HPSE2: variants seen among roughly 807,000 people sequenced by gnomAD.
HPSE2 encodes inactive heparanase-2.
HPSE2 carries 38 observed loss-of-function variants against 60.5 expected under a neutral mutation model. That is an observed-to-expected ratio of 0.63 (90% CI 0.48 to 0.82). The LOEUF (loss-of-function observed/expected upper bound fraction) is 0.82, where lower values mean the gene tolerates loss of function less well. Ranked by LOEUF, HPSE2 falls within the 40% of genes least tolerant of loss-of-function variation. The probability of loss-of-function intolerance (pLI) is 0.00; values close to 1 mark genes in which losing one functional copy is unlikely to be tolerated. For synonymous variants in HPSE2, 295 were observed against 293.2 expected, an observed-to-expected ratio of 1.01 and a Z score of -0.06; for missense variants, 713 against 740.4, an observed-to-expected ratio of 0.96 and a Z score of 0.43.
At chr10:99,038,148 T>C (rs945370374) in intron 3 of HPSE2, among the ~76,000 whole-genome samples, 8 of 152,146 alleles carry the variant, frequency 5.3e-5, no homozygotes, top group African/African-American at 1.7e-4. Flanking sequence ...ACACTCACCA[T>C]ACCACCCAGC....
intron 3 of HPSE2, among the ~76,000 whole-genome samples, chr10:99,117,830 A>T (rs1844771653): frequency 6.6e-6 from 1 of 152,192 alleles, no homozygotes; most frequent in South Asian, 2.1e-4. Flanking sequence ...TATTCCAAAA[A>T]ATTGAGGATG....
chr10:98,962,593 G>A (rs1955706808), intron 3 of HPSE2, among the ~76,000 whole-genome samples: 2 of 150,762 alleles, frequency 1.3e-5, no homozygotes, highest in African/African-American at 2.5e-5. Context: ...CAATCAGGCA[G>A]GAGAAGGAAA....
chr10:99,297,936 C>T, the HPSE2 span, among the ~76,000 whole-genome samples: 1 of 152,268 alleles, frequency 6.6e-6, no homozygotes, highest in African/African-American at 2.4e-5. Flanking sequence ...CCTTTTTCTG[C>T]CCTAAAGTTT....
intron 9 of HPSE2, among the ~76,000 whole-genome samples, chr10:98,609,296 A>G (rs479818): frequency 0.98 from 148,690 of 152,268 alleles, 72,707 homozygotes; most frequent in South Asian, 1. Flanking sequence ...GCAGGACAGT[A>G]TCTCTAGTGT....
In HPSE2 at chr10:99,127,529, T is replaced by C. The variant is rs1228811188; in HGVS notation, c.610+16709A>G. 2.0e-5 allele frequency among the ~76,000 whole-genome samples: 3 copies of C among 152,176 alleles called. No homozygotes were observed. In the East Asian group the frequency reaches 5.8e-4, roughly 29 times the overall value. On this transcript the variant is annotated intron_variant, in intron 3 of 11. Coordinates refer to ENST00000370552, the MANE Select transcript of HPSE2 (RefSeq NM_021828.5). ...CAGACAAACCTAAGAATAACTGGTG[T>C]TCCTAAGGAAGAAGAGAAATCTAAA...
At chr10:99,208,727 G>A (rs907388461) in intron 2 of HPSE2, among the ~76,000 whole-genome samples, 1 of 151,604 alleles carries the variant, frequency 6.6e-6, no homozygotes, top group African/African-American at 2.4e-5. Context: ...GTGACTGAAT[G>A]GATTTAAAAA....
intron 3 of HPSE2, among the ~76,000 whole-genome samples, chr10:99,039,309 A>G (rs147495106): frequency 3.3e-5 from 5 of 152,224 alleles, no homozygotes; most frequent in Non-Finnish European, 5.9e-5. Context: ...GAGTAGATAC[A>G]TAGATCTAAG....
intron 3 of HPSE2, among the ~76,000 whole-genome samples, chr10:98,819,755 T>G (rs1419817854): frequency 1.3e-5 from 2 of 152,116 alleles, no homozygotes; most frequent in East Asian, 3.9e-4. Flanking sequence ...ACAAGCCCCT[T>G]CCTAATATCA....
chr10:98,995,047 G>A (rs1179914446), intron 3 of HPSE2, among the ~76,000 whole-genome samples: 1 of 152,166 alleles, frequency 6.6e-6, no homozygotes, highest in African/African-American at 2.4e-5. Flanking sequence ...CCCATGTCCA[G>A]GAGCTTTTCC....
intron 3 of HPSE2, among the ~76,000 whole-genome samples, chr10:99,002,426 G>T (rs188546468): frequency 6.6e-6 from 1 of 152,068 alleles, no homozygotes; most frequent in African/African-American, 2.4e-5. Context: ...AAACACTACC[G>T]CAGCCAGGTG....
At chr10:98,697,833 A>G (rs1948271914) in intron 5 of HPSE2, among the ~76,000 whole-genome samples, 1 of 152,210 alleles carries the variant, frequency 6.6e-6, no homozygotes, top group African/African-American at 2.4e-5. Flanking sequence ...TGCAAGCCAG[A>G]AGAGAGTGGG....
intron 3 of HPSE2, among the ~76,000 whole-genome samples, chr10:99,094,599 C>T (rs1272665313): frequency 8.4e-6 from 1 of 119,606 alleles, no homozygotes; most frequent in Non-Finnish European, 1.6e-5. Flanking sequence ...CTCTGTGGCC[C>T]AGGCTGGAGT....
At chr10:98,946,910 T>G (rs1312360637) in intron 3 of HPSE2, among the ~76,000 whole-genome samples, 2 of 152,058 alleles carry the variant, frequency 1.3e-5, no homozygotes, top group Non-Finnish European at 2.9e-5. Context: ...GTCTCTCCAG[T>G]AAATTGCATA....
chr10:98,985,109 C>T (rs907981330), intron 3 of HPSE2, among the ~76,000 whole-genome samples: 16 of 152,100 alleles, frequency 1.1e-4, no homozygotes, highest in East Asian at 1.9e-4. Context: ...TAGCAAGGCA[C>T]GCCAACATTC....
At chr10:99,161,349 A>G (rs564669941) in intron 2 of HPSE2, among the ~76,000 whole-genome samples, 2 of 152,336 alleles carry the variant, frequency 1.3e-5, no homozygotes, top group South Asian at 4.1e-4. Context: ...CCATAAAATG[A>G]AATGCCATTC....
chr10:98,972,851 C>A (rs892290451), intron 3 of HPSE2, among the ~76,000 whole-genome samples: 1 of 152,084 alleles, frequency 6.6e-6, no homozygotes, highest in South Asian at 2.1e-4. Flanking sequence ...TGTAGTCTCA[C>A]GTTAATGTAG....
At chr10:98,573,267 C>T (rs1589440037) in intron 9 of HPSE2, among the ~76,000 whole-genome samples, 1 of 152,084 alleles carries the variant, frequency 6.6e-6, no homozygotes, top group Non-Finnish European at 1.5e-5. Context: ...ACTCTAGAAC[C>T]AGCCAAACAA....
intron 3 of HPSE2, among the ~76,000 whole-genome samples, chr10:98,980,121 G>A (rs908038494): frequency 6.6e-6 from 1 of 152,110 alleles, no homozygotes; most frequent in South Asian, 2.1e-4. Context: ...AGAGATCTTG[G>A]CTAAAACCCG....
Position 98,930,204 on chromosome 10 carries a change from C to T in HPSE2, c.611-186148G>A, listed in dbSNP as rs1385293331. Among the ~76,000 whole-genome samples the T allele has an allele frequency of 4.2e-5, 6 of 143,894 alleles. 2 individuals are homozygous for T. Among genetic ancestry groups the T allele is most frequent in the African/African-American group, 1.7e-4 (6 of 35,358 alleles). 94.4% of individuals were successfully genotyped at this position (143,894 alleles called of 152,430 possible). ...CCTGTGTCCATGTGTTCTCATTGTT[C>T]AGTTCCCACTTATAAGTGAGAACAT... is the stretch of plus-strand genomic sequence containing the variant. On this transcript the variant is annotated intron_variant, in intron 3 of 11. Coordinates refer to ENST00000370552, the MANE Select transcript of HPSE2 (RefSeq NM_021828.5).
Sources: allele counts gnomAD v4.1 joint callset (sites outside exome capture counted in the v4.1 genomes callset), GRCh38; gene constraint gnomAD v4.1.1; transcripts MANE v1.5; gene names NCBI Gene and HGNC (gene_info 2026-07-23, HGNC 2026-07-21).